Variants in NFIB observed in about 807,000 individuals in gnomAD.
NFIB encodes nuclear factor 1 B-type.
NFIB carries 11 observed loss-of-function variants against 61.5 expected under a neutral mutation model. That is an observed-to-expected ratio of 0.18 (90% CI 0.11 to 0.30). The LOEUF (loss-of-function observed/expected upper bound fraction) is 0.30, where lower values mean the gene tolerates loss of function less well. NFIB is among the 10% of genes least tolerant of loss of function. The pLI, the probability that NFIB is intolerant of heterozygous loss-of-function variation, is 1.00. For missense variants in NFIB, 471 were observed against 608.9 expected (o/e 0.77, Z 2.38); for synonymous variants, 260 against 216.5 (o/e 1.20, Z -1.76).
the NFIB span, among the ~76,000 whole-genome samples, chr9:14,437,830 C>T: frequency 9.4e-3 from 1,437 of 152,274 alleles, 42 homozygotes; most frequent in African/African-American, 0.033. Context: ...AAATGACAGT[C>T]GGATCCATCA....
chr9:14,242,141 T>A (rs2054430781), intron 2 of NFIB, among the ~76,000 whole-genome samples: 2 of 152,244 alleles, frequency 1.3e-5, no homozygotes, highest in African/African-American at 4.8e-5. Context: ...GTTTTAAGAT[T>A]CTCTGTAAAC....
intron 2 of NFIB, among the ~76,000 whole-genome samples, chr9:14,221,242 A>G (rs1348860533): frequency 6.6e-6 from 1 of 152,154 alleles, no homozygotes; most frequent in Non-Finnish European, 1.5e-5. Flanking sequence ...CAGATTCCAA[A>G]GTTTCCTATT....
At chr9:14,300,866 G>A (rs1038175096) in intron 2 of NFIB, among the ~76,000 whole-genome samples, 2 of 152,150 alleles carry the variant, frequency 1.3e-5, no homozygotes, top group African/African-American at 4.8e-5. Context: ...GTTTAATCTG[G>A]CTGAGTGAGA....
intron 2 of NFIB, among the ~76,000 whole-genome samples, chr9:14,266,415 A>AC (rs1409405431): frequency 6.6e-6 from 1 of 151,190 alleles, no homozygotes; most frequent in Non-Finnish European, 1.5e-5. Flanking sequence ...ACATAGTGAG[A>AC]CCCCCATTTC....
At chr9:14,269,571 T>A (rs972781712) in intron 2 of NFIB, among the ~76,000 whole-genome samples, 2 of 152,190 alleles carry the variant, frequency 1.3e-5, no homozygotes, top group Non-Finnish European at 2.9e-5. Flanking sequence ...GTTCTTACCA[T>A]CTGCACACAT....
chr9:14,228,196 TC>T lies in NFIB; in HGVS notation c.563-48417del, dbSNP rs1320809903. Reference sequence around the variant, plus strand: ...TTATTGAAATAATAAACTTTATGATTCTTTTTTTTTTTTTTTTTGAGACAGG... The same window carrying T: ...TTATTGAAATAATAAACTTTATGATTTTTTTTTTTTTTTTTTTGAGACAGG... On this transcript the variant is annotated intron_variant, in intron 2 of 10. Transcript: ENST00000380953. 6.2e-3 allele frequency among the ~76,000 whole-genome samples: 797 copies of T among 128,296 alleles called. 4 individuals are homozygous for T. Among genetic ancestry groups the T allele is most frequent in the African/African-American group, 0.021 (748 of 35,730 alleles). The allele number at this position is 128,296 out of a possible 152,430, so 84.2% of individuals were successfully genotyped here. A position where few individuals can be genotyped will look rare whatever the true frequency, so the allele number is the denominator to read the frequency against.
intron 3 of NFIB, among the ~76,000 whole-genome samples, chr9:14,159,619 G>T (rs1333043372): frequency 6.6e-6 from 1 of 152,200 alleles, no homozygotes; most frequent in African/African-American, 2.4e-5. Flanking sequence ...CATTAACCAA[G>T]ACGTGGCAGA....
At chr9:14,161,680 A>T (rs1298613310) in intron 3 of NFIB, among the ~76,000 whole-genome samples, 1 of 152,050 alleles carries the variant, frequency 6.6e-6, no homozygotes, top group Non-Finnish European at 1.5e-5. Flanking sequence ...ATTGTTTGGC[A>T]TTTTAGGTTA....
intron 3 of NFIB, among the ~76,000 whole-genome samples, chr9:14,174,587 G>A (rs1237561459): frequency 3.3e-5 from 5 of 151,932 alleles, no homozygotes; most frequent in African/African-American, 1.2e-4. Flanking sequence ...CCAACATGGT[G>A]AAACCCCATC....
chr9:14,346,477 G>T (rs972814758), intron 1 of NFIB, among the ~76,000 whole-genome samples: 4 of 152,070 alleles, frequency 2.6e-5, no homozygotes, highest in African/African-American at 7.2e-5. Flanking sequence ...CAACCCGATG[G>T]GATTCAGAAA....
At chr9:14,531,579 A>G in the NFIB span, among the ~76,000 whole-genome samples, 1 of 152,114 alleles carries the variant, frequency 6.6e-6, no homozygotes, top group Admixed American at 6.6e-5. Flanking sequence ...TTTAAGACCA[A>G]TGCAAGAACA....
At chr9:14,361,936 A>G (rs1402411169) in intron 1 of NFIB, 1 of 152,230 alleles carries the variant, frequency 6.6e-6, no homozygotes, top group Non-Finnish European at 1.5e-5. Flanking sequence ...TGAGAAGCCC[A>G]GCAAGTTTGC....
chr9:14,336,935 A>G (rs2060892562), intron 1 of NFIB, among the ~76,000 whole-genome samples: 1 of 152,216 alleles, frequency 6.6e-6, no homozygotes, highest in Non-Finnish European at 1.5e-5. Context: ...CACGGACAAT[A>G]TATAAACAAT....
chr9:14,365,489 T>G (rs1670662287), intron 1 of NFIB, among the ~76,000 whole-genome samples: 1 of 152,208 alleles, frequency 6.6e-6, no homozygotes, highest in African/African-American at 2.4e-5. Flanking sequence ...TACAAAAGTT[T>G]TCCCTGCCCT....
chr9:14,528,248 A>G, the NFIB span, among the ~76,000 whole-genome samples: 1 of 152,220 alleles, frequency 6.6e-6, no homozygotes, highest in African/African-American at 2.4e-5. Context: ...TGATTATTAA[A>G]ACAGCCTAGC....
the NFIB span, among the ~76,000 whole-genome samples, chr9:14,514,460 CTAGTATTCA>C: frequency 6.6e-6 from 1 of 152,010 alleles, no homozygotes; most frequent in Admixed American, 6.6e-5. Flanking sequence ...AAAGATATTC[CTAGTATTCA>C]TAGATTTGGT....
the NFIB span, among the ~76,000 whole-genome samples, chr9:14,437,586 G>A: frequency 6.6e-6 from 1 of 152,148 alleles, no homozygotes; most frequent in African/African-American, 2.4e-5. Flanking sequence ...CTCTCCTCAG[G>A]CTTCCTGGAG....
intron 1 of NFIB, among the ~76,000 whole-genome samples, chr9:14,351,099 G>A (rs1349458897): frequency 6.6e-6 from 1 of 152,196 alleles, no homozygotes; most frequent in East Asian, 1.9e-4. Flanking sequence ...AGGAGTTGGA[G>A]TGCATAAAAA....
At chr9:14,219,390 A>G (rs2051357067) in intron 2 of NFIB, among the ~76,000 whole-genome samples, 1 of 150,424 alleles carries the variant, frequency 6.6e-6, no homozygotes, top group African/African-American at 2.4e-5. Context: ...GTAAAAAAAA[A>G]AAAAAAAAAA....
Sources: gnomAD v4.1 joint callset for allele counts (sites outside exome capture counted in the v4.1 genomes callset) on GRCh38, gnomAD v4.1.1 for gene constraint, MANE v1.5 for transcripts, NCBI Gene and HGNC (gene_info 2026-07-23, HGNC 2026-07-21) for gene names.